Variants in NTM observed in about 807,000 individuals in gnomAD.
NTM encodes the protein neurotrimin, also known as IgLON family member 2.
NTM carries 13 observed loss-of-function variants against 42.1 expected under a neutral mutation model. The ratio of observed to expected loss-of-function variants is 0.31; its 90% CI spans 0.20 to 0.49. The LOEUF (loss-of-function observed/expected upper bound fraction) is 0.49. Among genes scored for constraint, NTM ranks in the 20% least tolerant of loss-of-function variants. The pLI, the probability that NTM is intolerant of heterozygous loss-of-function variation, is 0.99. For missense variants in NTM, 373 were observed against 452.8 expected, an observed-to-expected ratio of 0.82 and a Z score of 1.60; for synonymous variants, 187 against 179.2, an observed-to-expected ratio of 1.04 and a Z score of -0.35.
At chr11:132,064,995 T>C (rs973568889) in intron 2 of NTM, among the ~76,000 whole-genome samples, 10 of 152,228 alleles carry the variant, frequency 6.6e-5, no homozygotes, top group African/African-American at 2.4e-4. Context: ...TATGTTAAGA[T>C]TCAAAGATCA....
chr11:131,992,690 G>A (rs1001932520), intron 2 of NTM, among the ~76,000 whole-genome samples: 6 of 152,116 alleles, frequency 3.9e-5, no homozygotes, highest in African/African-American at 1.4e-4. Flanking sequence ...TGCCTGAAAA[G>A]ATTGAATACT....
At chr11:131,446,474 A>T (rs746118361) in intron 1 of NTM, among the ~76,000 whole-genome samples, 14 of 152,178 alleles carry the variant, frequency 9.2e-5, no homozygotes, top group Non-Finnish European at 1.6e-4. Flanking sequence ...TTCTTCTGTG[A>T]TGCTCAGTAG....
chr11:131,493,707 C>T (rs1955040628), intron 1 of NTM, among the ~76,000 whole-genome samples: 1 of 152,136 alleles, frequency 6.6e-6, no homozygotes, highest in East Asian at 1.9e-4. Context: ...AGTGACTTTT[C>T]CAAAGGATAA....
At chr11:131,707,652 C>T (rs1254408423) in intron 1 of NTM, among the ~76,000 whole-genome samples, 3 of 152,120 alleles carry the variant, frequency 2.0e-5, no homozygotes, top group East Asian at 3.8e-4. Context: ...TTCTTTCCAG[C>T]ACTGTTTATC....
rs76337469 is a variant in NTM, at chr11:132,011,826, A to T, written c.167+100178A>T. The stretch of plus-strand genomic sequence containing the variant: ...TTTTCCTGCTTCTTGGAATCTGTGC[A>T]TGCTCATTCCTAAGCTTGTAATACC... On this transcript the variant is annotated intron_variant, in intron 2 of 8. Coordinates refer to ENST00000683400, the MANE Select transcript of NTM (RefSeq NM_001352005.2). Among the ~76,000 whole-genome samples, 17 of 152,272 alleles carry T rather than the reference A, an allele frequency of 1.1e-4. No homozygotes were observed. The East Asian group carries it at 3.1e-3, about 28-fold the overall frequency.
At chr11:131,795,777 T>G in intron 1 of NTM, 1 of 985,338 alleles carries the variant, frequency 1.0e-6, no homozygotes, top group Non-Finnish European at 1.2e-6. Context: ...TGGGAGCAGT[T>G]GACTGGGGTT....
At chr11:132,270,090 C>G (rs767751030) in intron 4 of NTM, among the ~76,000 whole-genome samples, 19 of 152,110 alleles carry the variant, frequency 1.2e-4, no homozygotes, top group Admixed American at 7.2e-4. Context: ...TCTATAACTA[C>G]GGATAGCGTT....
chr11:131,509,436 C>G (rs2047957410), intron 1 of NTM, among the ~76,000 whole-genome samples: 1 of 152,218 alleles, frequency 6.6e-6, no homozygotes, highest in South Asian at 2.1e-4. Flanking sequence ...GCAGATTCTT[C>G]CCTGGCCTTA....
intron 2 of NTM, among the ~76,000 whole-genome samples, chr11:132,052,053 G>A (rs1236188995): frequency 1.3e-5 from 2 of 151,640 alleles, no homozygotes; most frequent in Non-Finnish European, 2.9e-5. Flanking sequence ...TAAAATGTAG[G>A]GCAAAAAAAA....
At chr11:131,917,698 G>A (rs1414349330) in intron 2 of NTM, among the ~76,000 whole-genome samples, 1 of 152,178 alleles carries the variant, frequency 6.6e-6, no homozygotes, top group African/African-American at 2.4e-5. Context: ...GTTCAGAATA[G>A]CAATGCTACT....
At chr11:131,811,458 G>A (rs913958523) in intron 1 of NTM, among the ~76,000 whole-genome samples, 1 of 152,192 alleles carries the variant, frequency 6.6e-6, no homozygotes, top group Non-Finnish European at 1.5e-5. Context: ...TTGGGGCAGA[G>A]GCAAGGCACA....
At chr11:131,501,649 G>A (rs930564471) in intron 1 of NTM, among the ~76,000 whole-genome samples, 7 of 152,200 alleles carry the variant, frequency 4.6e-5, no homozygotes, top group Non-Finnish European at 8.8e-5. Context: ...AAGAAACGAT[G>A]GCAAAGGGGG....
intron 7 of NTM, among the ~76,000 whole-genome samples, chr11:132,321,832 G>C (rs1163578277): frequency 4.2e-4 from 62 of 149,256 alleles, no homozygotes; most frequent in Admixed American, 1.3e-4. Context: ...CGGATCTCTC[G>C]GCAGAAACCC....
At chr11:132,266,501 A>G (rs1249743499) in intron 4 of NTM, among the ~76,000 whole-genome samples, 2 of 152,220 alleles carry the variant, frequency 1.3e-5, no homozygotes, top group African/African-American at 4.8e-5. Context: ...TTACATGAAT[A>G]TAACTCTAGG....
rs140568606 is a variant in NTM at position 132,182,401 on chromosome 11, A to T, written c.401-29621A>T. The stretch of plus-strand genomic sequence containing the variant: ...TTGTATCAAACTGCAGATCATGCTC[A>T]CTCATTGTGCAACCCTGGGCATATT... On this transcript the variant is annotated intron_variant, in intron 3 of 8. Transcript: ENST00000683400. Among the ~76,000 whole-genome samples, 201 of 152,250 alleles carry T rather than the reference A, an allele frequency of 1.3e-3. 1 individual carries two copies. The highest frequency in any genetic ancestry group is 4.7e-3 in the African/African-American group (197 of 41,542).
chr11:132,150,303 C>T (rs1478340344), intron 3 of NTM, among the ~76,000 whole-genome samples: 3 of 152,180 alleles, frequency 2.0e-5, no homozygotes, highest in Non-Finnish European at 2.9e-5. Context: ...AGACATCTCC[C>T]ATTAGGCCCC....
intron 4 of NTM, among the ~76,000 whole-genome samples, chr11:132,215,981 C>T (rs1356184909): frequency 1.3e-5 from 2 of 152,208 alleles, no homozygotes; most frequent in African/African-American, 4.8e-5. Context: ...TGGTGGAACC[C>T]TAACCTTCTG....
chr11:132,045,793 G>A (rs994541949), intron 2 of NTM, among the ~76,000 whole-genome samples: 8 of 152,058 alleles, frequency 5.3e-5, no homozygotes, highest in East Asian at 1.9e-4. Context: ...CATATATGTC[G>A]GTGTTCCTGG....
intron 2 of NTM, among the ~76,000 whole-genome samples, chr11:131,986,880 C>A: frequency 6.6e-6 from 1 of 152,128 alleles, no homozygotes; most frequent in East Asian, 1.9e-4. Context: ...TGGGGGAAAT[C>A]TGACACATTC....
Sources: gnomAD v4.1 joint callset for allele counts (sites outside exome capture counted in the v4.1 genomes callset) on GRCh38, gnomAD v4.1.1 for gene constraint, MANE v1.5 for transcripts, NCBI Gene and HGNC (gene_info 2026-07-23, HGNC 2026-07-21) for gene names.